Variants in ATP6V0A4 observed in about 807,000 individuals in gnomAD.
ATP6V0A4 encodes V-type proton ATPase 116 kDa subunit a 4.
ATP6V0A4 carries 86 observed loss-of-function variants against 107.3 expected under a neutral mutation model. The ratio of observed to expected loss-of-function variants is 0.80; its 90% CI spans 0.67 to 0.96. ATP6V0A4 has a LOEUF of 0.96. Ranked by LOEUF, ATP6V0A4 falls within the 40% of genes least tolerant of loss-of-function variation. The pLI is 0.00. For missense variants in ATP6V0A4, 908 were observed against 1,045.6 expected, an observed-to-expected ratio of 0.87 and a Z score of 1.81; for synonymous variants, 353 against 381.4, an observed-to-expected ratio of 0.93 and a Z score of 0.87.
chr7:138,777,875 T>C (rs747928255), intron 2 of ATP6V0A4, among the ~76,000 whole-genome samples: 8 of 152,150 alleles, frequency 5.3e-5, no homozygotes, highest in Middle Eastern at 3.2e-3. Flanking sequence ...TTCCTACAGG[T>C]TGAGTATCCC....
chr7:138,711,172 G>T (rs1043333643), intron 20 of ATP6V0A4, among the ~76,000 whole-genome samples: 1 of 151,920 alleles, frequency 6.6e-6, no homozygotes, highest in Non-Finnish European at 1.5e-5. Context: ...CATGCCCATG[G>T]AGTCTCTCAA....
At chr7:138,784,229 T>TACAC (rs1371622161) in intron 2 of ATP6V0A4, among the ~76,000 whole-genome samples, 18 of 45,444 alleles carry the variant, frequency 4.0e-4, no homozygotes, top group African/African-American at 2.7e-3. Flanking sequence ...TATATATATA[T>TACAC]ATATACGTAT....
rs868726637 is a variant in ATP6V0A4 at position 138,777,631 on chromosome 7, A to C, written c.-17-6367T>G. On this transcript the variant is annotated intron_variant, in intron 2 of 21. Coordinates refer to ENST00000310018, the MANE Select transcript of ATP6V0A4 (RefSeq NM_020632.3). Reference sequence around the variant, plus strand: ...ACTCCGTCTCAAAAAAAAAAAAAAAAATACACACACACACACACACACACA... The same window carrying C: ...ACTCCGTCTCAAAAAAAAAAAAAAACATACACACACACACACACACACACA... 8.3e-3 allele frequency among the ~76,000 whole-genome samples: 998 copies of C among 119,820 alleles called. 18 individuals are homozygous for C. The highest frequency in any genetic ancestry group is 0.033 in the African/African-American group (943 of 28,368). 78.6% of individuals were successfully genotyped at this position (119,820 alleles called of 152,430 possible). A position where few individuals can be genotyped will look rare whatever the true frequency, so the allele number is the denominator to read the frequency against.
chr7:138,708,290 C>T (rs1803556735), intron 21 of ATP6V0A4, among the ~76,000 whole-genome samples: 1 of 152,118 alleles, frequency 6.6e-6, no homozygotes, highest in African/African-American at 2.4e-5. Context: ...AGCTGATCCG[C>T]CCGCCTTGGC....
intron 10 of ATP6V0A4, 95 bp downstream of exon 10, chr7:138,755,594 C>T (rs1398773567): frequency 9.0e-6 from 14 of 1,554,450 alleles, no homozygotes; most frequent in Middle Eastern, 4.0e-4. Flanking sequence ...GCCAGCCTCC[C>T]AGCAAGGGCC....
chr7:138,797,222 T>TC (rs1267616434), intron 1 of ATP6V0A4, among the ~76,000 whole-genome samples: 6 of 147,922 alleles, frequency 4.1e-5, no homozygotes, highest in East Asian at 3.9e-4. Context: ...TTTTTTTTTT[T>TC]TTTTTTTTTG....
intron 19 of ATP6V0A4, among the ~76,000 whole-genome samples, chr7:138,719,293 T>A (rs1444587625): frequency 3.9e-5 from 6 of 152,024 alleles, no homozygotes; most frequent in Non-Finnish European, 8.8e-5. Context: ...CGTGAAAGGG[T>A]CTTTGTTATT....
intron 5 of ATP6V0A4, among the ~76,000 whole-genome samples, chr7:138,767,387 G>A (rs1807146410): frequency 6.6e-6 from 1 of 152,110 alleles, no homozygotes; most frequent in Admixed American, 6.6e-5. Flanking sequence ...GCTGGGCGTG[G>A]TGGCGCATGC....
chr7:138,729,327 A>G (rs1264400008), intron 17 of ATP6V0A4, among the ~76,000 whole-genome samples: 3 of 152,108 alleles, frequency 2.0e-5, no homozygotes, highest in Admixed American at 6.6e-5. Context: ...CGGTAATTTT[A>G]TATTTTGAGT....
chr7:138,753,321 C>G (rs542842266), intron 10 of ATP6V0A4, among the ~76,000 whole-genome samples: 1 of 152,200 alleles, frequency 6.6e-6, no homozygotes, highest in Non-Finnish European at 1.5e-5. Flanking sequence ...ATGCGGAGGA[C>G]GGCCCGCAGC....
intron 10 of ATP6V0A4, 148 bp from the exon 11 acceptor site, chr7:138,752,985 C>G: frequency 6.9e-7 from 1 of 1,447,322 alleles, no homozygotes; most frequent in Non-Finnish European, 9.3e-7. Context: ...CTTGAACTCT[C>G]CTGAGCAGTT....
intron 13 of ATP6V0A4, among the ~76,000 whole-genome samples, chr7:138,746,683 TA>T (rs1431082025): frequency 1.3e-5 from 2 of 152,100 alleles, no homozygotes; most frequent in Non-Finnish European, 2.9e-5. Context: ...TTTGTATTTT[TA>T]GTAGAGACAG....
intron 20 of ATP6V0A4, among the ~76,000 whole-genome samples, chr7:138,710,494 C>G (rs1803685807): frequency 6.6e-6 from 1 of 152,122 alleles, no homozygotes; most frequent in Non-Finnish European, 1.5e-5. Flanking sequence ...CAGCCACAGC[C>G]TCTTCTTTGA....
At chr7:138,752,397 C>G (rs939576335) in intron 11 of ATP6V0A4, among the ~76,000 whole-genome samples, 1 of 150,312 alleles carries the variant, frequency 6.7e-6, no homozygotes, top group Admixed American at 6.6e-5. Flanking sequence ...AACCTCAATA[C>G]GTACTCACAA....
At chr7:138,746,150 G>A (rs1251782948) in intron 13 of ATP6V0A4, among the ~76,000 whole-genome samples, 2 of 150,426 alleles carry the variant, frequency 1.3e-5, no homozygotes, top group Non-Finnish European at 2.9e-5. Context: ...GAAAGCAGGT[G>A]GCTGTTGTCT....
chr7:138,784,319 T>C (rs1808083048), intron 2 of ATP6V0A4, among the ~76,000 whole-genome samples: 1 of 136,634 alleles, frequency 7.3e-6, no homozygotes, highest in African/African-American at 3.0e-5. Context: ...TATATATATA[T>C]GTATTTTTTT....
At chr7:138,769,386 C>A in intron 3 of ATP6V0A4, 135 bp from the exon 4 acceptor site, 1 of 1,369,414 alleles carries the variant, frequency 7.3e-7, no homozygotes, top group Non-Finnish European at 9.7e-7. Context: ...GCGATCTCAG[C>A]TCACTGTAAC....
chr7:138,722,744 C>CAAAAAA (rs71169049), intron 18 of ATP6V0A4, among the ~76,000 whole-genome samples: 2 of 33,466 alleles, frequency 6.0e-5, no homozygotes, highest in African/African-American at 1.3e-4. Flanking sequence ...GACTCCATCT[C>CAAAAAA]AAAAAAAAAA....
At chr7:138,713,191 G>A (rs1361277368) in intron 20 of ATP6V0A4, among the ~76,000 whole-genome samples, 2 of 150,232 alleles carry the variant, frequency 1.3e-5, no homozygotes, top group Non-Finnish European at 2.9e-5. Context: ...TGTAGTCCCA[G>A]CTACTCAGGA....
Sources: allele counts gnomAD v4.1 joint callset (sites outside exome capture counted in the v4.1 genomes callset), GRCh38; gene constraint gnomAD v4.1.1; transcripts MANE v1.5; gene names NCBI Gene and HGNC (gene_info 2026-07-23, HGNC 2026-07-21).